CSMD1: variants seen among roughly 807,000 people sequenced by gnomAD.
The protein encoded by CSMD1 is CUB and sushi domain-containing protein 1.
A neutral mutation model predicts 417.5 loss-of-function variants in CSMD1; 213 were observed. That is an observed-to-expected ratio of 0.51 (90% CI 0.46 to 0.57). CSMD1 has a LOEUF of 0.57. Among genes scored for constraint, CSMD1 ranks in the 20% least tolerant of loss-of-function variants. The pLI is 0.00. For missense variants in CSMD1, 6,923 were observed against 4,529.7 expected, an observed-to-expected ratio of 1.53 and a Z score of -15.17; for synonymous variants, 2,862 against 1,736.8, an observed-to-expected ratio of 1.65 and a Z score of -16.11.
intron 7 of CSMD1, among the ~76,000 whole-genome samples, chr8:3,645,218 T>C (rs985681027): frequency 2.0e-5 from 3 of 152,054 alleles, no homozygotes; most frequent in Non-Finnish European, 4.4e-5. Context: ...CAATGCACAG[T>C]CCAAAGAAGA....
chr8:3,794,693 T>C (rs1799942923), intron 5 of CSMD1, among the ~76,000 whole-genome samples: 1 of 152,130 alleles, frequency 6.6e-6, no homozygotes, highest in Admixed American at 6.6e-5. Flanking sequence ...AAAATCTCAC[T>C]GCTTGACTGT....
At chr8:3,666,438 T>G (rs1361742046) in intron 7 of CSMD1, among the ~76,000 whole-genome samples, 2 of 152,184 alleles carry the variant, frequency 1.3e-5, no homozygotes, top group East Asian at 1.9e-4. Flanking sequence ...CTAAAATAAT[T>G]AAGACAGAAA....
At chr8:4,828,009 C>A (rs1383741333) in intron 1 of CSMD1, among the ~76,000 whole-genome samples, 4 of 152,076 alleles carry the variant, frequency 2.6e-5, no homozygotes, top group Non-Finnish European at 5.9e-5. Flanking sequence ...ATGCAAAATG[C>A]ATGTTATATA....
chr8:4,085,756 G>A (rs781689242), intron 3 of CSMD1, among the ~76,000 whole-genome samples: 1 of 152,164 alleles, frequency 6.6e-6, no homozygotes, highest in Non-Finnish European at 1.5e-5. Context: ...GGGAAGATGT[G>A]TGGCTTCCAG....
intron 1 of CSMD1, among the ~76,000 whole-genome samples, chr8:4,679,213 C>T (rs1409170804): frequency 1.3e-5 from 2 of 152,148 alleles, no homozygotes; most frequent in African/African-American, 4.8e-5. Context: ...GCAGGGCTTT[C>T]CCTGGACACA....
At chr8:3,870,647 T>G (rs929967327) in intron 5 of CSMD1, among the ~76,000 whole-genome samples, 1 of 152,164 alleles carries the variant, frequency 6.6e-6, no homozygotes, top group Non-Finnish European at 1.5e-5. Flanking sequence ...GGGATCTACT[T>G]ATTTTTGCTT....
intron 1 of CSMD1, among the ~76,000 whole-genome samples, chr8:4,723,805 A>C (rs945918612): frequency 6.6e-6 from 1 of 151,220 alleles, no homozygotes; most frequent in African/African-American, 2.4e-5. Context: ...AAAAAACAAA[A>C]AAAAAACAAA....
At chr8:4,663,388 G>C (rs948107664) in intron 1 of CSMD1, among the ~76,000 whole-genome samples, 6 of 152,176 alleles carry the variant, frequency 3.9e-5, no homozygotes, top group Admixed American at 1.3e-4. Context: ...CTCTTTGGAA[G>C]ATGCTAAGTG....
At chr8:3,896,329 T>C (rs947714012) in intron 5 of CSMD1, among the ~76,000 whole-genome samples, 1 of 152,156 alleles carries the variant, frequency 6.6e-6, no homozygotes, top group Non-Finnish European at 1.5e-5. Context: ...CAGATTTCCA[T>C]ATACTCACTT....
At chr8:4,741,930 C>T (rs528375849) in intron 1 of CSMD1, among the ~76,000 whole-genome samples, 2 of 146,190 alleles carry the variant, frequency 1.4e-5, no homozygotes, top group Admixed American at 7.1e-5. Flanking sequence ...ACTTCCTGGG[C>T]TCAAGGAATC....
chr8:3,314,208 C>G (rs1805578362), intron 23 of CSMD1, among the ~76,000 whole-genome samples: 1 of 152,000 alleles, frequency 6.6e-6, no homozygotes, highest in African/African-American at 2.4e-5. Context: ...CAACATGGCA[C>G]ATGTATACAT....
In CSMD1 at chr8:4,819,232, A is replaced by G. The variant is rs529729940; in HGVS notation, c.85+175100T>C. Among the ~76,000 whole-genome samples, 16 of 152,314 alleles carry G rather than the reference A, an allele frequency of 1.1e-4. No homozygotes were observed. The South Asian group carries it at 2.3e-3, about 22-fold the overall frequency. On this transcript the variant is annotated intron_variant, in intron 1 of 69. Coordinates refer to ENST00000635120, the MANE Select transcript of CSMD1 (RefSeq NM_033225.6). ...TAATAATAACAATTATTACAATATT[A>G]ACTAGTATTTGGCATTTTACAATTA...
intron 2 of CSMD1, among the ~76,000 whole-genome samples, chr8:4,435,477 G>C (rs1040291750): frequency 2.0e-5 from 3 of 152,156 alleles, no homozygotes; most frequent in Admixed American, 6.5e-5. Context: ...AAAATCTTTG[G>C]AAGCCCTGTT....
At chr8:3,977,950 C>A (rs772458198) in intron 5 of CSMD1, among the ~76,000 whole-genome samples, 13 of 152,184 alleles carry the variant, frequency 8.5e-5, no homozygotes, top group Non-Finnish European at 1.6e-4. Flanking sequence ...GTCATGTGCA[C>A]GGCTGCCTTT....
Position 3,803,346 on chromosome 8 carries a change from G to C in CSMD1, c.819-49304C>G, listed in dbSNP as rs994207086. Among the ~76,000 whole-genome samples, 6 of 152,172 alleles carry C rather than the reference G, an allele frequency of 3.9e-5. No homozygotes were observed. In the East Asian group the frequency reaches 5.8e-4, roughly 15 times the overall value. Reference sequence around the variant, plus strand: ...TATACACAAATACTTCAATAGACAAGACAAGACAAGACTTGAATGGTAAGC... The same window carrying C: ...TATACACAAATACTTCAATAGACAACACAAGACAAGACTTGAATGGTAAGC... On this transcript the variant is annotated intron_variant, in intron 5 of 69. Coordinates refer to ENST00000635120, the MANE Select transcript of CSMD1 (RefSeq NM_033225.6).
At chr8:4,951,609 T>G (rs1330119568) in intron 1 of CSMD1, among the ~76,000 whole-genome samples, 2 of 151,670 alleles carry the variant, frequency 1.3e-5, no homozygotes, top group Non-Finnish European at 2.9e-5. Context: ...CCTGCGGGGT[T>G]TTTTTAATGC....
At chr8:3,762,684 AAGAG>A (rs1035593098) in intron 5 of CSMD1, among the ~76,000 whole-genome samples, 1 of 152,258 alleles carries the variant, frequency 6.6e-6, no homozygotes, top group Non-Finnish European at 1.5e-5. Context: ...TGCCCAGAGA[AAGAG>A]AGAGAGCCAA....
At chr8:4,267,903 G>A (rs907654584) in intron 3 of CSMD1, among the ~76,000 whole-genome samples, 1 of 152,050 alleles carries the variant, frequency 6.6e-6, no homozygotes, top group Non-Finnish European at 1.5e-5. Context: ...TGTAATGACT[G>A]AAATAAAATA....
At chr8:4,757,332 T>C (rs576757903) in intron 1 of CSMD1, among the ~76,000 whole-genome samples, 1 of 152,306 alleles carries the variant, frequency 6.6e-6, no homozygotes, top group East Asian at 1.9e-4. Context: ...GTCTTGAATT[T>C]CTCCTGTGTG....
Sources: gnomAD v4.1 joint callset for allele counts (sites outside exome capture counted in the v4.1 genomes callset) on GRCh38, gnomAD v4.1.1 for gene constraint, MANE v1.5 for transcripts, NCBI Gene and HGNC (gene_info 2026-07-23, HGNC 2026-07-21) for gene names.